Variants in GON4L observed in about 807,000 individuals in gnomAD.
GON4L encodes GON-4-like protein.
GON4L carries 87 observed loss-of-function variants against 211.8 expected under a neutral mutation model. The observed-to-expected ratio is 0.41, with a 90% CI of 0.35 to 0.49. The LOEUF (loss-of-function observed/expected upper bound fraction) is 0.49. GON4L is among the 20% of genes least tolerant of loss of function. The pLI is 0.15. For synonymous variants in GON4L, 875 were observed against 962.6 expected (o/e 0.91, Z 1.68); for missense variants, 2,155 against 2,659.5 (o/e 0.81, Z 4.17).
intron 11 of GON4L, among the ~76,000 whole-genome samples, chr1:155,800,200 AAAAACAAAAC>A (rs568033649): frequency 3.0e-4 from 45 of 151,614 alleles, no homozygotes; most frequent in African/African-American, 9.5e-4. Context: ...ACTCCATCTC[AAAAACAAAAC>A]AAAACAAAAC....
chr1:155,816,760 C>CT (rs11381169), intron 6 of GON4L, among the ~76,000 whole-genome samples: 6,587 of 44,124 alleles, frequency 0.15, 230 homozygotes, highest in African/African-American at 0.2. Context: ...TGCCTATGGG[C>CT]TTTTTTTTTT....
chr1:155,806,842 C>T (rs994784395), intron 10 of GON4L, among the ~76,000 whole-genome samples: 3 of 152,122 alleles, frequency 2.0e-5, no homozygotes, highest in Non-Finnish European at 1.5e-5. Flanking sequence ...TTGGCTCACA[C>T]CTGCAATCCC....
At chr1:155,786,730 A>T (rs1028970560) in intron 12 of GON4L, among the ~76,000 whole-genome samples, 1 of 152,166 alleles carries the variant, frequency 6.6e-6, no homozygotes, top group African/African-American at 2.4e-5. Flanking sequence ...TCTCAAATCA[A>T]CTGGATGCAA....
intron 18 of GON4L, among the ~76,000 whole-genome samples, chr1:155,771,636 C>T (rs1403305047): frequency 6.6e-6 from 1 of 152,054 alleles, no homozygotes; most frequent in Non-Finnish European, 1.5e-5. Flanking sequence ...CCATGCCGGG[C>T]TAATTTTTTT....
intron 11 of GON4L, among the ~76,000 whole-genome samples, chr1:155,798,917 G>A (rs1178178299): frequency 6.6e-6 from 1 of 152,130 alleles, no homozygotes; most frequent in East Asian, 1.9e-4. Context: ...AAATCATTTA[G>A]GGGGATTCTT....
chr1:155,767,790 A>G (rs183776362), intron 19 of GON4L, among the ~76,000 whole-genome samples: 165 of 152,286 alleles, frequency 1.1e-3, no homozygotes, highest in African/African-American at 3.5e-3. Flanking sequence ...CTAACTGATG[A>G]TCTCCATTCT....
Position 155,752,186 on chromosome 1 carries a change from C to G in GON4L, c.6247G>C (p.Ala2083Pro), listed in dbSNP as rs1660674830. 6.2e-7 allele frequency: 1 copy of G among 1,613,578 alleles called. No homozygotes were observed. The highest frequency in any genetic ancestry group is 1.7e-5 in the Admixed American group (1 of 59,978). Residue 2083 changes from alanine (A) to proline (P), a missense_variant, in exon 30 of 32, where the codon GCT (alanine) becomes CCT (proline). Around this residue, in one of 6 missense-constraint regions of GON4L, gnomAD observed 186 missense variants for 308.1 expected, o/e 0.60. Coordinates refer to ENST00000368331, the MANE Select transcript of GON4L (RefSeq NM_001282860.2). ...GTCCTGTCTCTTGTCTTCACCCGAG[C>G]TCTGCTTGAGGGCAGCCATCTCTCT... ...TQERWLPSSR[A>P]RVKTRDRTCP...
chr1:155,843,912 C>G (rs540327917), intron 2 of GON4L, among the ~76,000 whole-genome samples: 3 of 152,290 alleles, frequency 2.0e-5, no homozygotes, highest in African/African-American at 7.2e-5. Context: ...AGAAATCCTA[C>G]CCCATACCCA....
intron 12 of GON4L, among the ~76,000 whole-genome samples, chr1:155,786,024 A>T (rs1200625859): frequency 6.6e-6 from 1 of 151,968 alleles, no homozygotes; most frequent in Non-Finnish European, 1.5e-5. Flanking sequence ...TGAACCCGGG[A>T]GGCAGGGCTT....
chr1:155,775,752 C>A (rs1663746479), intron 16 of GON4L, among the ~76,000 whole-genome samples: 1 of 152,138 alleles, frequency 6.6e-6, no homozygotes, highest in East Asian at 1.9e-4. Flanking sequence ...AGTCACCGCA[C>A]CCAGCCAAGA....
At chr1:155,760,144 A>G (rs913613281) in intron 24 of GON4L, among the ~76,000 whole-genome samples, 2 of 151,972 alleles carry the variant, frequency 1.3e-5, no homozygotes, top group African/African-American at 4.8e-5. Context: ...CACCTAACAA[A>G]TATTTGTTAA....
At chr1:155,767,320 T>C (rs2101756844) in intron 20 of GON4L, 105 bp downstream of exon 20, 3 of 1,611,866 alleles carry the variant, frequency 1.9e-6, no homozygotes, top group Non-Finnish European at 2.5e-6. Flanking sequence ...TCTAAAGTCC[T>C]AGTTCTACAA....
chr1:155,795,002 C>G, intron 12 of GON4L, 48 bp downstream of exon 12: 1 of 1,037,642 alleles, frequency 9.6e-7, no homozygotes, highest in Non-Finnish European at 1.5e-6. Flanking sequence ...TAAACAAAGA[C>G]AGCTGCAAAG....
chr1:155,798,975 T>C (rs708608), intron 11 of GON4L, among the ~76,000 whole-genome samples: 300 of 152,306 alleles, frequency 2.0e-3, no homozygotes, highest in Middle Eastern at 3.4e-3. Flanking sequence ...ATATGTCCTC[T>C]GAGCTTAATC....
In GON4L at chr1:155,816,270, C is replaced by A; in HGVS notation, c.1015-8G>T. Reference sequence around the variant, plus strand: ...ATTCCATGTTGGAATTACCTACCAACAAAGAATATAAATAATTAAGTTATC... The same window carrying A: ...ATTCCATGTTGGAATTACCTACCAAAAAAGAATATAAATAATTAAGTTATC... On this transcript the variant is annotated splice_region_variant and splice_polypyrimidine_tract_variant and intron_variant, in intron 6 of 31. Transcript: ENST00000368331. The A allele has an allele frequency of 8.3e-7, 1 of 1,200,024 alleles. No homozygotes were observed. The highest frequency in any genetic ancestry group is 1.2e-6 in the Non-Finnish European group (1 of 805,204). The allele number at this position is 1,200,024 out of a possible 1,614,324, so 74.3% of individuals were successfully genotyped here. A position where few individuals can be genotyped will look rare whatever the true frequency, so the allele number is the denominator to read the frequency against.
At chr1:155,829,869 T>C (rs1421018947) in intron 2 of GON4L, among the ~76,000 whole-genome samples, 1 of 151,856 alleles carries the variant, frequency 6.6e-6, no homozygotes, top group Non-Finnish European at 1.5e-5. Context: ...GAAAAAAAGG[T>C]TGTAGAAAAA....
intron 15 of GON4L, among the ~76,000 whole-genome samples, chr1:155,777,304 G>A (rs1663913330): frequency 6.6e-6 from 1 of 152,182 alleles, no homozygotes; most frequent in African/African-American, 2.4e-5. Context: ...TTAACAGCAG[G>A]GCGCAGTGGC....
rs767354738 is a variant in GON4L at position 155,754,445 on chromosome 1, C to A, written c.5561G>T (p.Cys1854Phe). 4 of 1,612,708 alleles carry A rather than the reference C, an allele frequency of 2.5e-6. No homozygotes were observed. The South Asian group carries it at 3.3e-5, about 13-fold the overall frequency. The change falls in exon 28 of 32, where the codon TGC becomes TTC. Residue 1854 changes from cysteine (C) to phenylalanine (F), a missense_variant. Physicochemically the swap from Cys to Phe is radical, Grantham distance 205. Transcript: ENST00000368331. ...CTTGGAATCTGGACCTCCTTCATGG[C>A]AGGAGCAGGCACAGTCCTTGGCCCC... ...PDGAKDCACS[C>F]HEGGPDSKLK...
chr1:155,774,937 G>T, intron 17 of GON4L, 65 bp downstream of exon 17: 1 of 1,601,788 alleles, frequency 6.2e-7, no homozygotes, highest in Admixed American at 1.7e-5. Context: ...AGTTATCTAT[G>T]GGATAAGATT....
Sources: allele counts gnomAD v4.1 joint callset (sites outside exome capture counted in the v4.1 genomes callset), GRCh38; gene constraint gnomAD v4.1.1; regional missense constraint gnomAD v4.1.1; transcripts MANE v1.5; gene names NCBI Gene and HGNC (gene_info 2026-07-23, HGNC 2026-07-21).